Variants in MCM3AP observed in about 807,000 individuals in gnomAD.
MCM3AP encodes the protein germinal-center associated nuclear protein.
In MCM3AP, 126 loss-of-function variants were observed where a neutral mutation model predicts 184.1. The ratio of observed to expected loss-of-function variants is 0.68; its 90% CI spans 0.59 to 0.79. The LOEUF (loss-of-function observed/expected upper bound fraction) is 0.79, where lower values mean the gene tolerates loss of function less well. Ranked by LOEUF, MCM3AP falls within the 30% of genes least tolerant of loss-of-function variation. MCM3AP has a pLI of 0.00. For synonymous variants in MCM3AP, 1,002 were observed against 979.3 expected, an observed-to-expected ratio of 1.02 and a Z score of -0.43; for missense variants, 2,496 against 2,479.2, an observed-to-expected ratio of 1.01 and a Z score of -0.14.
In MCM3AP at chr21:46,236,878, G is replaced by A; in HGVS notation, c.5735C>T (p.Ser1912Phe). 1.3e-6 allele frequency: 2 copies of A among 1,566,496 alleles called. No individual in the cohort carries two copies. Among genetic ancestry groups the A allele is most frequent in the South Asian group, 1.2e-5 (1 of 81,340 alleles). The change falls in exon 27 of 28, where the codon TCT becomes TTT. Residue 1912 changes from serine (S) to phenylalanine (F), a missense_variant. Transcript: ENST00000291688. ...LYLPQTLVSL[S>F]HTIEPVMKTS... ...TTTCATCACAGGTTCAATAGTGTGA[G>A]AAAGAGACACTAGAGTCTGAGGAAG...
intron 8 of MCM3AP, among the ~76,000 whole-genome samples, chr21:46,272,219 C>T (rs2081190016): frequency 1.3e-5 from 2 of 152,220 alleles, no homozygotes; most frequent in Non-Finnish European, 2.9e-5. Context: ...GAACTGCTAA[C>T]AACCTTGCAG....
chr21:46,272,494 G>A, intron 8 of MCM3AP, 67 bp downstream of exon 8: 1 of 1,487,664 alleles, frequency 6.7e-7, no homozygotes, highest in Non-Finnish European at 9.2e-7. Flanking sequence ...ACTCCTGAAA[G>A]CTCTTCTCCT....
At chr21:46,251,372 A>T in intron 20 of MCM3AP, 157 bp downstream of exon 20, 1 of 521,490 alleles carries the variant, frequency 1.9e-6, no homozygotes, top group Admixed American at 3.8e-5. Flanking sequence ...AATTTTTTAA[A>T]CGACATGTAC....
chr21:46,257,553 C>T (rs1022905213), intron 16 of MCM3AP, among the ~76,000 whole-genome samples: 8 of 151,374 alleles, frequency 5.3e-5, no homozygotes, highest in Non-Finnish European at 1.0e-4. Flanking sequence ...TATCTCCACA[C>T]ACGTGCCTGT....
rs773731333 is a variant in MCM3AP at position 46,240,866 on chromosome 21, G to A, written c.5578C>T (p.Leu1860Phe). Residue 1860 changes from leucine (L) to phenylalanine (F), a missense_variant, in exon 26 of 28, where the codon CTC becomes TTC. Physicochemically the swap from Leu to Phe is conservative, Grantham distance 22 (BLOSUM62 0). This residue lies in a region of MCM3AP where 1,323 missense variants were observed against 1,273.4 expected (regional missense o/e 1.04). Coordinates refer to ENST00000291688, the MANE Select transcript of MCM3AP (RefSeq NM_003906.5). Reference sequence around the variant, plus strand: ...CTGCTCGACAAACACTGCGCCAAGAGCTCCTCAGCAGAAGCTCCTCGCATC... The same window carrying A: ...CTGCTCGACAAACACTGCGCCAAGAACTCCTCAGCAGAAGCTCCTCGCATC... ...DLMRGASAEE[L>F]LAQCLSSSLL... The A allele has an allele frequency of 6.2e-7, 1 of 1,614,206 alleles. No individual in the cohort carries two copies. Among genetic ancestry groups the A allele is most frequent in the Non-Finnish European group, 8.5e-7 (1 of 1,180,040 alleles).
intron 19 of MCM3AP, chr21:46,254,166 G>A (rs1436766733): frequency 3.5e-6 from 2 of 576,860 alleles, no homozygotes; most frequent in Non-Finnish European, 6.2e-6. Flanking sequence ...AAAGCAGTGT[G>A]AGAACGGACT....
At chr21:46,279,089 C>T (rs891660551) in intron 4 of MCM3AP, among the ~76,000 whole-genome samples, 3 of 151,336 alleles carry the variant, frequency 2.0e-5, no homozygotes, top group African/African-American at 7.3e-5. Context: ...AGTTCGAGAC[C>T]AGCCTGGCCA....
intron 25 of MCM3AP, 61 bp from the exon 26 acceptor site, chr21:46,241,078 A>G: frequency 8.1e-7 from 1 of 1,230,314 alleles, no homozygotes; most frequent in South Asian, 1.3e-5. Context: ...AGCATCATGT[A>G]AAGCATGTAG....
chr21:46,251,041 T>G (rs1190785428), intron 20 of MCM3AP: 2 of 152,302 alleles, frequency 1.3e-5, no homozygotes, highest in African/African-American at 4.8e-5. Flanking sequence ...ATTTGACTTC[T>G]TTTTAAGTAC....
Position 46,259,057 on chromosome 21 carries a change from C to T in MCM3AP, c.3616G>A (p.Ala1206Thr). ...GCACAGACATCCTCACAGCAACGGGCCACACGGACCCTCTGGTCTGTCTCT... is the reference window on the plus strand; with the variant it reads ...GCACAGACATCCTCACAGCAACGGGTCACACGGACCCTCTGGTCTGTCTCT... The part of the protein sequence containing the change: ...AVETDQRVRV[A>T]RCCEDVCAHL... Residue 1206 changes from alanine to threonine, a missense_variant, in exon 16 of 28, where the codon GCC becomes ACC. Physicochemically the swap from Ala to Thr is moderately conservative, Grantham distance 58 (BLOSUM62 0). Around this residue, in one of 5 missense-constraint regions of MCM3AP, gnomAD observed 1,323 missense variants for 1,273.4 expected, o/e 1.04. Transcript: ENST00000291688. 1 of 1,613,932 alleles carries T rather than the reference C, an allele frequency of 6.2e-7. No individual in the cohort carries two copies. The highest frequency in any genetic ancestry group is 8.5e-7 in the Non-Finnish European group (1 of 1,179,916).
intron 25 of MCM3AP, chr21:46,242,337 C>G (rs1170322596): frequency 1.3e-5 from 2 of 150,926 alleles, no homozygotes; most frequent in Non-Finnish European, 3.0e-5. Flanking sequence ...TTTTTTTAAC[C>G]CAAGCTAAAG....
chr21:46,256,725 G>A lies in MCM3AP; in HGVS notation c.3932+64C>T, dbSNP rs17183032. The A allele has an allele frequency of 5.4e-5, 81 of 1,513,458 alleles. No homozygotes were observed. The African/African-American group carries it at 8.9e-4, about 17-fold the overall frequency. 93.8% of individuals were successfully genotyped at this position (1,513,458 alleles called of 1,614,324 possible). ...CCCTCCAAACACACACATTAATTCC[G>A]CTCCTGGTAAAACCAAGTGGGGGCA... On this transcript the variant is annotated intron_variant, in intron 17 of 27. Transcript: ENST00000291688.
intron 4 of MCM3AP, 133 bp downstream of exon 4, chr21:46,279,860 C>G: frequency 1.2e-6 from 1 of 855,466 alleles, no homozygotes; most frequent in Non-Finnish European, 1.7e-6. Context: ...CCCCTCCACC[C>G]CCAACCATCC....
In MCM3AP at chr21:46,273,550, C is replaced by T; in HGVS notation, c.2034G>A (p.Arg678=). 1 of 1,613,770 alleles carries T rather than the reference C, an allele frequency of 6.2e-7. No individual in the cohort carries two copies. The highest frequency in any genetic ancestry group is 8.5e-7 in the Non-Finnish European group (1 of 1,179,832). ...GGGGCTCCTCCTGATCCGCCGAGGA[C>T]CGACTGTACTCTTTCACAGCTGCTG... ...DHAAAVKEYS[R]SSADQEEPLP... is the part of the protein sequence containing the mutation. The change falls in exon 7 of 28, where the codon CGG becomes CGA. Residue 678 remains arginine (R), a synonymous_variant. Coordinates refer to ENST00000291688, the MANE Select transcript of MCM3AP (RefSeq NM_003906.5).
chr21:46,263,286 T>A (rs1454982547), intron 13 of MCM3AP, among the ~76,000 whole-genome samples: 1 of 149,116 alleles, frequency 6.7e-6, no homozygotes, highest in Non-Finnish European at 1.5e-5. Flanking sequence ...GCCAAGATTG[T>A]GCCACTGCAC....
intron 25 of MCM3AP, chr21:46,241,482 A>G (rs1329873776): frequency 6.4e-6 from 1 of 156,986 alleles, no homozygotes; most frequent in African/African-American, 2.4e-5. Flanking sequence ...ACACATGCCA[A>G]TGTTTGTCTT....
At chr21:46,249,108 A>C (rs2080827794) in intron 20 of MCM3AP, among the ~76,000 whole-genome samples, 1 of 152,226 alleles carries the variant, frequency 6.6e-6, no homozygotes, top group South Asian at 2.1e-4. Flanking sequence ...GCTTCCACAG[A>C]GAAAACCAGG....
At chr21:46,275,396 T>C (rs969804964) in intron 5 of MCM3AP, 71 bp from the exon 6 acceptor site, 2 of 1,311,824 alleles carry the variant, frequency 1.5e-6, no homozygotes, top group African/African-American at 1.5e-5. Context: ...TGTATTCTCA[T>C]AATGATAAAA....
chr21:46,261,037 G>A, intron 14 of MCM3AP, 131 bp from the exon 15 acceptor site: 1 of 830,144 alleles, frequency 1.2e-6, no homozygotes. Flanking sequence ...CCCTACTCCA[G>A]CTCCCCTGAC....
Sources: gnomAD v4.1 joint callset for allele counts (sites outside exome capture counted in the v4.1 genomes callset) on GRCh38, gnomAD v4.1.1 for gene constraint, gnomAD v4.1.1 regional missense constraint, MANE v1.5 for transcripts, NCBI Gene and HGNC (gene_info 2026-07-23, HGNC 2026-07-21) for gene names.